TXLNB: variants seen among roughly 807,000 people sequenced by gnomAD.
TXLNB encodes beta-taxilin.
TXLNB carries 37 observed loss-of-function variants against 57.4 expected under a neutral mutation model. That is an observed-to-expected ratio of 0.64 (90% CI 0.50 to 0.85). TXLNB has a LOEUF of 0.85. TXLNB is among the 40% of genes least tolerant of loss of function. The pLI is 0.00. For synonymous variants in TXLNB, 302 were observed against 309.6 expected (o/e 0.98, Z 0.26); for missense variants, 848 against 825.6 (o/e 1.03, Z -0.33).
At chr6:139,252,030 G>A (rs1776219012) in intron 7 of TXLNB, among the ~76,000 whole-genome samples, 1 of 152,040 alleles carries the variant, frequency 6.6e-6, no homozygotes, top group Non-Finnish European at 1.5e-5. Context: ...TTGATCCAAT[G>A]AACACTCGAT....
chr6:139,318,995 T>C, the TXLNB span, among the ~76,000 whole-genome samples: 3 of 144,190 alleles, frequency 2.1e-5, no homozygotes, highest in South Asian at 4.3e-4. Context: ...CAGGCTGGAG[T>C]GCAATGGCGC....
chr6:139,315,525 G>GT, the TXLNB span, among the ~76,000 whole-genome samples: 1 of 152,256 alleles, frequency 6.6e-6, no homozygotes, highest in Admixed American at 6.5e-5. Flanking sequence ...CTGCAAACAT[G>GT]TAATTATTTG....
downstream of TXLNB, among the ~76,000 whole-genome samples, chr6:139,239,819 T>C (rs112089920): frequency 1.3e-3 from 199 of 152,080 alleles, 6 homozygotes; most frequent in African/African-American, 4.5e-3. This position sits in a 1 kb window ranked among gnomAD's most constrained non-coding sequence, Gnocchi z 4.7. Flanking sequence ...AACTGTAGCC[T>C]CATTGTTATT....
intron 9 of TXLNB, among the ~76,000 whole-genome samples, chr6:139,243,524 A>C (rs1776003325): frequency 1.5e-5 from 2 of 137,004 alleles, no homozygotes; most frequent in Admixed American, 1.5e-4. Context: ...ATTGTGTACT[A>C]GACTGGTAGA....
the TXLNB span, among the ~76,000 whole-genome samples, chr6:139,212,970 T>C: frequency 6.6e-6 from 1 of 152,110 alleles, no homozygotes; most frequent in African/African-American, 2.4e-5. Flanking sequence ...AGCACCCAGA[T>C]TCATAAAGCA....
chr6:139,171,266 C>A, the TXLNB span, among the ~76,000 whole-genome samples: 1 of 152,038 alleles, frequency 6.6e-6, no homozygotes, highest in African/African-American at 2.4e-5. Context: ...AAACCCACAA[C>A]CAAATCTTGA....
chr6:139,275,094 C>T (rs372510055), intron 3 of TXLNB, among the ~76,000 whole-genome samples: 78 of 152,064 alleles, frequency 5.1e-4, no homozygotes, highest in African/African-American at 1.8e-3. Flanking sequence ...AGTTTAAAAA[C>T]CAGAAAGCAC....
chr6:139,232,987 T>C, the TXLNB span, among the ~76,000 whole-genome samples: 2 of 152,220 alleles, frequency 1.3e-5, no homozygotes, highest in African/African-American at 4.8e-5. Flanking sequence ...TGTAACAACA[T>C]GTATGAATGC....
the TXLNB span, chr6:139,166,439 G>A: frequency 6.2e-6 from 10 of 1,614,174 alleles, no homozygotes; most frequent in South Asian, 3.3e-5. Context: ...CAGCATCCTC[G>A]TCCAGTTCAA....
In TXLNB at chr6:139,270,675, T is replaced by C. The variant is rs757502148; in HGVS notation, c.517-49A>G. 1.4e-5 allele frequency: 21 copies of C among 1,553,064 alleles called. No homozygotes were observed. In the Middle Eastern group the frequency reaches 5.1e-4, roughly 37 times the overall value. On this transcript the variant is annotated intron_variant, in intron 3 of 9. Coordinates refer to ENST00000358430, the MANE Select transcript of TXLNB (RefSeq NM_153235.4). ...TGAAAGAAAATGGCAGGGATCTCCT[T>C]GGAGTGGATAGAAAAAAAGCAAACC...
intron 3 of TXLNB, among the ~76,000 whole-genome samples, chr6:139,271,110 A>G (rs1227967888): frequency 2.0e-5 from 3 of 152,116 alleles, no homozygotes; most frequent in Non-Finnish European, 4.4e-5. Context: ...CTCCTGGTAA[A>G]CAGAAGATGA....
intron 4 of TXLNB, among the ~76,000 whole-genome samples, chr6:139,269,463 A>G (rs886847945): frequency 6.6e-6 from 1 of 152,188 alleles, no homozygotes; most frequent in Non-Finnish European, 1.5e-5. Context: ...ACTATTGTTG[A>G]CAAGACGCCA....
At chr6:139,211,701 G>C in the TXLNB span, among the ~76,000 whole-genome samples, 1 of 152,148 alleles carries the variant, frequency 6.6e-6, no homozygotes, top group Non-Finnish European at 1.5e-5. Context: ...GAGGAAGTTT[G>C]AACCAATGGC....
At chr6:139,228,526 CAAAAAAAAA>C in the TXLNB span, among the ~76,000 whole-genome samples, 70 of 44,286 alleles carry the variant, frequency 1.6e-3, no homozygotes, top group Non-Finnish European at 3.2e-3. Context: ...AACTCCATCT[CAAAAAAAAA>C]AAAAAAAAAA....
chr6:139,247,298 C>T (rs576963183), intron 8 of TXLNB, among the ~76,000 whole-genome samples: 4 of 152,040 alleles, frequency 2.6e-5, no homozygotes, highest in South Asian at 2.1e-4. Flanking sequence ...CATGCCACCA[C>T]GCCTGGCTAA....
At chr6:139,232,502 T>G in the TXLNB span, among the ~76,000 whole-genome samples, 2 of 152,230 alleles carry the variant, frequency 1.3e-5, no homozygotes, top group African/African-American at 4.8e-5. Flanking sequence ...GCACTAGTTC[T>G]ATAAACTTGA....
chr6:139,255,589 T>TC lies in TXLNB; in HGVS notation c.1051dup (p.Glu351GlyfsTer18). 1 of 1,613,922 alleles carries TC rather than the reference T, an allele frequency of 6.2e-7. No individual in the cohort carries two copies. Among genetic ancestry groups the TC allele is most frequent in the Non-Finnish European group, 8.5e-7 (1 of 1,179,890 alleles). ...CTGAGCCTGCAGGACTGTCTCTTGC[T>TC]CCTTCAGCACTTTCGCCTGAAGTTT... On this transcript the variant is annotated frameshift_variant, in exon 7 of 10. Transcript: ENST00000358430. LOFTEE classifies it high-confidence loss of function.
At position 139,260,095 on chromosome 6, in the gene TXLNB, G is replaced by A. The variant is rs1048236220; in HGVS notation, c.1002+223C>T. Among the ~76,000 whole-genome samples, 8 of 152,132 alleles carry A rather than the reference G, an allele frequency of 5.3e-5. No homozygotes were observed. In the South Asian group the frequency reaches 1.7e-3, roughly 32 times the overall value. On this transcript the variant is annotated intron_variant, in intron 6 of 9. Coordinates refer to ENST00000358430, the MANE Select transcript of TXLNB (RefSeq NM_153235.4). ...AAACAAGTAGCCTGTTGTGGTAGTG[G>A]GCACCTGTAATCCCAGCTACTTGGG...
chr6:139,214,132 G>T, the TXLNB span, among the ~76,000 whole-genome samples: 3 of 152,088 alleles, frequency 2.0e-5, no homozygotes, highest in African/African-American at 7.2e-5. Context: ...ATTTTATGAG[G>T]CCAGCATCAT....
Sources: allele counts gnomAD v4.1 joint callset (sites outside exome capture counted in the v4.1 genomes callset), GRCh38; gene constraint gnomAD v4.1.1; non-coding constraint Gnocchi (gnomAD v3.1); transcripts MANE v1.5; gene names NCBI Gene and HGNC (gene_info 2026-07-23, HGNC 2026-07-21).